Variants in CERT1 observed in about 807,000 individuals in gnomAD.
CERT1 encodes ceramide transfer protein.
A neutral mutation model predicts 87.9 loss-of-function variants in CERT1; 31 were observed. That is an observed-to-expected ratio of 0.35 (90% CI 0.27 to 0.48). The LOEUF (loss-of-function observed/expected upper bound fraction) is 0.48. CERT1 is among the 20% of genes least tolerant of loss of function. The pLI is 0.99. For synonymous variants in CERT1, 289 were observed against 250.9 expected (o/e 1.15, Z -1.44); for missense variants, 487 against 758.0 (o/e 0.64, Z 4.20).
chr5:75,443,236 T>G (rs1764396669), intron 3 of CERT1, among the ~76,000 whole-genome samples: 1 of 152,162 alleles, frequency 6.6e-6, no homozygotes. Flanking sequence ...ACATCTTTAT[T>G]ATTTCCTTCC....
chr5:75,393,665 T>C (rs532771770), intron 11 of CERT1, among the ~76,000 whole-genome samples: 38 of 137,700 alleles, frequency 2.8e-4, no homozygotes, highest in Middle Eastern at 4.1e-3. Context: ...ATCTCTTTTA[T>C]GCATGTAAAA....
rs941179008 is a variant in CERT1, at chr5:75,387,986, C to T, written c.1284+1606G>A. On this transcript the variant is annotated intron_variant, in intron 12 of 16. Coordinates refer to ENST00000643780, the MANE Select transcript of CERT1 (RefSeq NM_001379029.1). ...TCTTTAGTACTTCACTTCCTCCTCC[C>T]CAGAGGGAGGTGACTCTACGGTGAC... 4.6e-5 allele frequency among the ~76,000 whole-genome samples: 7 copies of T among 152,106 alleles called. No individual in the cohort carries two copies. The South Asian group carries it at 6.2e-4, about 14-fold the overall frequency.
intron 11 of CERT1, among the ~76,000 whole-genome samples, chr5:75,397,595 A>C (rs111984786): frequency 1.4e-4 from 22 of 152,252 alleles, no homozygotes; most frequent in African/African-American, 5.3e-4. Flanking sequence ...TTTATAGCCT[A>C]TGTATTCCTG....
intron 3 of CERT1, among the ~76,000 whole-genome samples, chr5:75,433,001 T>A (rs904948839): frequency 2.0e-5 from 3 of 152,184 alleles, no homozygotes; most frequent in African/African-American, 7.2e-5. Flanking sequence ...GAAGAACAGA[T>A]GGTTGTGGTT....
At chr5:75,394,925 G>A (rs1561230766) in intron 11 of CERT1, among the ~76,000 whole-genome samples, 1 of 152,118 alleles carries the variant, frequency 6.6e-6, no homozygotes, top group Non-Finnish European at 1.5e-5. Flanking sequence ...ATATATGAGA[G>A]AAGATAAATG....
chr5:75,409,586 G>C (rs567075655), intron 8 of CERT1, among the ~76,000 whole-genome samples: 1 of 152,240 alleles, frequency 6.6e-6, no homozygotes, highest in South Asian at 2.1e-4. Flanking sequence ...GAGCGCAGTG[G>C]CACGATCTCA....
chr5:75,418,140 G>C (rs1763221206), intron 6 of CERT1, among the ~76,000 whole-genome samples: 1 of 152,086 alleles, frequency 6.6e-6, no homozygotes, highest in African/African-American at 2.4e-5. Context: ...TGGGTAACAA[G>C]AGGGAAACTC....
At chr5:75,392,528 A>G (rs1762069126) in intron 11 of CERT1, among the ~76,000 whole-genome samples, 1 of 152,212 alleles carries the variant, frequency 6.6e-6, no homozygotes, top group Admixed American at 6.5e-5. Context: ...ATCTCACTAT[A>G]ACAAATTTTA....
intron 16 of CERT1, among the ~76,000 whole-genome samples, chr5:75,380,509 TC>T (rs1761519372): frequency 6.6e-6 from 1 of 151,940 alleles, no homozygotes; most frequent in Admixed American, 6.6e-5. Context: ...GAAGGCTAGG[TC>T]GAGCGCAGTG....
Position 75,417,034 on chromosome 5 carries a change from C to A in CERT1, c.680-1G>T. 6.3e-7 allele frequency: 1 copy of A among 1,577,616 alleles called. No homozygotes were observed. Among genetic ancestry groups the A allele is most frequent in the Non-Finnish European group, 8.7e-7 (1 of 1,155,922 alleles). On this transcript the variant is annotated splice_acceptor_variant, in intron 6 of 16. Coordinates refer to ENST00000643780, the MANE Select transcript of CERT1 (RefSeq NM_001379029.1). LOFTEE classifies it high-confidence loss of function. ...CCTTTTGGTGTCACATGTGGAAATA[C>A]TGAAAATGAAAATTATTCACTGAAA...
chr5:75,420,111 G>C (rs1326516337), intron 5 of CERT1, among the ~76,000 whole-genome samples: 1 of 151,576 alleles, frequency 6.6e-6, no homozygotes, highest in Non-Finnish European at 1.5e-5. Context: ...CAAGTAGCTG[G>C]GACTACAGGT....
At chr5:75,465,355 G>A (rs1270624493) in intron 2 of CERT1, among the ~76,000 whole-genome samples, 1 of 152,176 alleles carries the variant, frequency 6.6e-6, no homozygotes, top group African/African-American at 2.4e-5. Context: ...CACTTGTGAG[G>A]CTGAAGACTT....
At chr5:75,482,184 C>T (rs949260290) in intron 2 of CERT1, among the ~76,000 whole-genome samples, 2 of 152,202 alleles carry the variant, frequency 1.3e-5, no homozygotes, top group African/African-American at 4.8e-5. Flanking sequence ...GCTCGCTACC[C>T]TAAAAGGAGA....
intron 2 of CERT1, among the ~76,000 whole-genome samples, chr5:75,479,653 TG>T (rs1766134445): frequency 6.6e-6 from 1 of 152,220 alleles, no homozygotes; most frequent in Non-Finnish European, 1.5e-5. Flanking sequence ...TATTCCATGG[TG>T]TCTATGTACC....
chr5:75,419,612 C>CA (rs1194942333), intron 5 of CERT1, among the ~76,000 whole-genome samples, 188 bp from the exon 6 acceptor site: 1 of 152,028 alleles, frequency 6.6e-6, no homozygotes, highest in East Asian at 1.9e-4. Context: ...TTTTAAAGAA[C>CA]AAAATCTTAA....
At chr5:75,372,744 AATT>A (rs1299865799) in intron 17 of CERT1, 1 of 152,208 alleles carries the variant, frequency 6.6e-6, no homozygotes. Flanking sequence ...CCCATCATTA[AATT>A]ATTATCTTGC....
At chr5:75,511,769 C>T (rs889655689), upstream of CERT1, 3 of 1,551,312 alleles carry the variant, frequency 1.9e-6, no homozygotes, top group Non-Finnish European at 2.6e-6. Flanking sequence ...CTCCGGCTCT[C>T]CCGGGTGACG....
chr5:75,411,970 TCTC>T (rs149802440), intron 7 of CERT1, among the ~76,000 whole-genome samples: 5,873 of 152,170 alleles, frequency 0.039, 200 homozygotes, highest in African/African-American at 0.084. Flanking sequence ...ATTTTAACAC[TCTC>T]CTTTTAATGA....
intron 2 of CERT1, among the ~76,000 whole-genome samples, chr5:75,479,361 A>C (rs1766121645): frequency 6.6e-6 from 1 of 152,082 alleles, no homozygotes; most frequent in African/African-American, 2.4e-5. Context: ...AACTCTTACC[A>C]CAGGGGTTTG....
Sources: allele counts gnomAD v4.1 joint callset (sites outside exome capture counted in the v4.1 genomes callset), GRCh38; gene constraint gnomAD v4.1.1; transcripts MANE v1.5; gene names NCBI Gene and HGNC (gene_info 2026-07-23, HGNC 2026-07-21).